The following PLXDC1 variants were observed in gnomAD, a reference collection of about 807,000 sequenced individuals.
PLXDC1 encodes plexin domain containing 1, also known as plexin domain-containing protein 1.
Under a neutral mutation model 61.3 loss-of-function variants are expected in PLXDC1, and 39 were observed. The observed-to-expected ratio is 0.64, with a 90% CI of 0.49 to 0.83. PLXDC1 has a LOEUF of 0.83. Among genes scored for constraint, PLXDC1 ranks in the 40% least tolerant of loss-of-function variants. The probability of loss-of-function intolerance (pLI) is 0.00; values close to 1 mark genes in which losing one functional copy is unlikely to be tolerated. For synonymous variants in PLXDC1, 212 were observed against 254.5 expected, an observed-to-expected ratio of 0.83 and a Z score of 1.59; for missense variants, 596 against 666.5, an observed-to-expected ratio of 0.89 and a Z score of 1.17.
intron 2 of PLXDC1, among the ~76,000 whole-genome samples, chr17:39,114,211 C>T (rs947743961): frequency 2.0e-5 from 3 of 152,134 alleles, no homozygotes; most frequent in Admixed American, 6.6e-5. Flanking sequence ...CTCTGTTAAA[C>T]GGAAACACAA....
chr17:39,108,905 T>G lies in PLXDC1; in HGVS notation c.468A>C (p.Gly156=). The G allele has an allele frequency of 6.2e-7, 1 of 1,611,870 alleles. No individual in the cohort carries two copies. The highest frequency in any genetic ancestry group is 8.5e-7 in the Non-Finnish European group (1 of 1,178,384). The stretch of plus-strand genomic sequence containing the variant: ...CGGGGCCCCACGACGTGGCCTTACC[T>G]CCAGTTGCTATGGTGATCTGCCGCA... ...HPLRQITIAT[G]GFIFMGDVIH... Residue 156 remains glycine (G), a splice_region_variant and synonymous_variant, in exon 4 of 14, where the codon GGA becomes GGC. Coordinates refer to ENST00000315392, the MANE Select transcript of PLXDC1 (RefSeq NM_020405.5).
chr17:39,117,953 G>A (rs1455154936), intron 2 of PLXDC1, among the ~76,000 whole-genome samples: 2 of 152,062 alleles, frequency 1.3e-5, no homozygotes, highest in Admixed American at 1.3e-4. Context: ...AGTTCTTTAT[G>A]AGGCCAGAGT....
At chr17:39,137,127 G>A (rs1911779588) in intron 2 of PLXDC1, among the ~76,000 whole-genome samples, 1 of 152,208 alleles carries the variant, frequency 6.6e-6, no homozygotes, top group Admixed American at 6.5e-5. Flanking sequence ...GTTACAGGGA[G>A]TACCCTGAGA....
chr17:39,141,600 G>A (rs758977192), intron 1 of PLXDC1, among the ~76,000 whole-genome samples: 2 of 152,212 alleles, frequency 1.3e-5, no homozygotes, highest in African/African-American at 4.8e-5. Flanking sequence ...ACAAACATGG[G>A]TGTACAAATA....
intron 2 of PLXDC1, among the ~76,000 whole-genome samples, chr17:39,127,875 G>A (rs766831547): frequency 5.0e-4 from 73 of 146,630 alleles, no homozygotes; most frequent in African/African-American, 1.6e-3. Context: ...GGAGAATGGC[G>A]TGAACCGAGG....
intron 2 of PLXDC1, among the ~76,000 whole-genome samples, chr17:39,119,384 C>T (rs4794803): frequency 0.19 from 29,484 of 152,136 alleles, 2,955 homozygotes; most frequent in Middle Eastern, 0.32. Flanking sequence ...GATCTGATCA[C>T]TATACATTAT....
chr17:39,117,015 G>A (rs974513072), intron 2 of PLXDC1, among the ~76,000 whole-genome samples: 53 of 152,256 alleles, frequency 3.5e-4, no homozygotes, highest in African/African-American at 1.3e-3. Flanking sequence ...TAGGAATGGG[G>A]AATGGAAGCT....
chr17:39,124,754 C>A (rs1385595156), intron 2 of PLXDC1, among the ~76,000 whole-genome samples: 1 of 152,214 alleles, frequency 6.6e-6, no homozygotes, highest in Non-Finnish European at 1.5e-5. Flanking sequence ...GACATGCCTG[C>A]CTCATCAGGT....
At chr17:39,088,910 C>T (rs1181324955) in intron 7 of PLXDC1, among the ~76,000 whole-genome samples, 3 of 118,618 alleles carry the variant, frequency 2.5e-5, no homozygotes, top group African/African-American at 6.5e-5. Flanking sequence ...GATTGTGCCA[C>T]TGCACTCCAG....
intron 6 of PLXDC1, among the ~76,000 whole-genome samples, chr17:39,106,794 T>C (rs1243636712): frequency 6.6e-6 from 1 of 151,850 alleles, no homozygotes; most frequent in African/African-American, 2.4e-5. Flanking sequence ...AGATTACAGG[T>C]GCCTGCCACC....
chr17:39,135,165 T>C (rs147257963), intron 2 of PLXDC1, among the ~76,000 whole-genome samples: 2 of 152,246 alleles, frequency 1.3e-5, no homozygotes, highest in African/African-American at 4.8e-5. Flanking sequence ...ACTCTCCAGA[T>C]AAGTTATCCC....
chr17:39,110,999 T>G (rs1245465447), intron 2 of PLXDC1, among the ~76,000 whole-genome samples: 1 of 152,130 alleles, frequency 6.6e-6, no homozygotes, highest in Non-Finnish European at 1.5e-5. Flanking sequence ...TCACAGGCTA[T>G]CCAGGGCTCC....
intron 13 of PLXDC1, 57 bp from the exon 14 acceptor site, chr17:39,068,016 C>T (rs1197595662): frequency 1.3e-6 from 2 of 1,583,004 alleles, no homozygotes; most frequent in Non-Finnish European, 1.7e-6. Context: ...ATGGGGACCC[C>T]ACACTCCTGA....
At chr17:39,140,455 G>A (rs1271816726) in intron 1 of PLXDC1, among the ~76,000 whole-genome samples, 3 of 152,188 alleles carry the variant, frequency 2.0e-5, no homozygotes, top group African/African-American at 7.2e-5. Context: ...ACAGGCGCCC[G>A]CTACCGCGCC....
intron 2 of PLXDC1, chr17:39,127,128 A>G (rs560616115): frequency 6.6e-6 from 1 of 152,270 alleles, no homozygotes; most frequent in East Asian, 1.9e-4. Flanking sequence ...TTTCTAGTTA[A>G]CTTTCTCAAG....
Position 39,108,264 on chromosome 17 carries a change from A to G in PLXDC1, c.470-19T>C, listed in dbSNP as rs751558849. 3 of 1,613,282 alleles carry G rather than the reference A, an allele frequency of 1.9e-6. No homozygotes were observed. In the South Asian group the frequency reaches 3.3e-5, roughly 18 times the overall value. ...ATGAAGCCTAGGGTGGGAGAGGTGC[A>G]GAGGAGTCACCAGAAATGGCCCAGA... is the stretch of plus-strand genomic sequence containing the variant. On this transcript the variant is annotated intron_variant, in intron 4 of 13. Coordinates refer to ENST00000315392, the MANE Select transcript of PLXDC1 (RefSeq NM_020405.5).
At chr17:39,129,711 G>GAAAGAAAGAAAGAAAGAAAGAAAGAAA (rs1249381083) in intron 2 of PLXDC1, among the ~76,000 whole-genome samples, 4 of 108,332 alleles carry the variant, frequency 3.7e-5, no homozygotes, top group East Asian at 5.9e-4. Context: ...AAAGAAAGAA[G>GAAAGAAAGAAAGAAAGAAAGAAAGAAA]GAAAGAAAGA....
intron 7 of PLXDC1, among the ~76,000 whole-genome samples, chr17:39,104,914 G>A (rs913285624): frequency 6.6e-6 from 1 of 152,230 alleles, no homozygotes; most frequent in Non-Finnish European, 1.5e-5. Context: ...TGTACTGATG[G>A]AACCGAACAG....
chr17:39,095,276 CTA>C (rs1371051492), intron 7 of PLXDC1, among the ~76,000 whole-genome samples: 2 of 150,580 alleles, frequency 1.3e-5, no homozygotes. Context: ...CTAATTGAAA[CTA>C]TTTGCTCACT....
Sources: gnomAD v4.1 joint callset for allele counts (sites outside exome capture counted in the v4.1 genomes callset) on GRCh38, gnomAD v4.1.1 for gene constraint, MANE v1.5 for transcripts, NCBI Gene and HGNC (gene_info 2026-07-23, HGNC 2026-07-21) for gene names.